Variants in PRTG observed in about 807,000 individuals in gnomAD.
PRTG encodes immunoglobulin superfamily, DCC subclass, member 5.
In PRTG, 67 loss-of-function variants were observed where a neutral mutation model predicts 122.5. The observed-to-expected ratio is 0.55, with a 90% CI of 0.45 to 0.67. PRTG has a LOEUF of 0.67. PRTG is among the 30% of genes least tolerant of loss of function. The probability of loss-of-function intolerance (pLI) is 0.00; values close to 1 mark genes in which losing one functional copy is unlikely to be tolerated. For missense variants in PRTG, 1,435 were observed against 1,415.4 expected (o/e 1.01, Z -0.22); for synonymous variants, 554 against 501.1 (o/e 1.11, Z -1.41).
intron 2 of PRTG, among the ~76,000 whole-genome samples, chr15:55,722,892 A>ATAGT (rs1474094086): frequency 6.6e-6 from 1 of 152,252 alleles, no homozygotes; most frequent in African/African-American, 2.4e-5. Context: ...CCATAGCAAC[A>ATAGT]TAGTTAACTG....
intron 11 of PRTG, among the ~76,000 whole-genome samples, chr15:55,641,849 C>T (rs145143553): frequency 5.3e-5 from 8 of 152,266 alleles, no homozygotes; most frequent in African/African-American, 1.7e-4. Context: ...TAAAGTCCAT[C>T]TAATACACCC....
At chr15:55,620,388 T>C in intron 19 of PRTG, 122 bp from the exon 20 acceptor site, 1 of 1,490,852 alleles carries the variant, frequency 6.7e-7, no homozygotes, top group Non-Finnish European at 8.9e-7. Flanking sequence ...AAGCGAAGTG[T>C]CAAAAGCTTC....
At chr15:55,625,126 C>T (rs146276677) in intron 17 of PRTG, among the ~76,000 whole-genome samples, 6 of 151,772 alleles carry the variant, frequency 4.0e-5, no homozygotes, top group East Asian at 3.9e-4. Flanking sequence ...GTGTATTTGA[C>T]GTTGATTTTT....
intron 13 of PRTG, 41 bp from the exon 14 acceptor site, chr15:55,638,717 A>G (rs770687496): frequency 6.4e-7 from 1 of 1,566,904 alleles, no homozygotes; most frequent in East Asian, 2.3e-5. Context: ...CTGGTAGTAT[A>G]ATATTGTTTG....
chr15:55,664,114 CTT>C (rs1369087027), intron 11 of PRTG, among the ~76,000 whole-genome samples: 1 of 151,802 alleles, frequency 6.6e-6, no homozygotes, highest in African/African-American at 2.4e-5. Flanking sequence ...GTTTTTTTGT[CTT>C]GTTTTGTTTT....
At chr15:55,654,405 CATTG>C (rs1351427912) in intron 11 of PRTG, among the ~76,000 whole-genome samples, 5 of 152,074 alleles carry the variant, frequency 3.3e-5, no homozygotes, top group Non-Finnish European at 7.4e-5. Context: ...ATGGAGTGAT[CATTG>C]ATTATAAGTA....
intron 2 of PRTG, among the ~76,000 whole-genome samples, chr15:55,689,699 G>A (rs978786142): frequency 1.4e-4 from 21 of 151,416 alleles, no homozygotes; most frequent in South Asian, 2.1e-4. Context: ...AGGCCAAGGC[G>A]GGTGGATCAC....
chr15:55,637,240 G>A lies in PRTG; in HGVS notation c.2553C>T (p.Thr851=), dbSNP rs1328353348. 1.6e-5 allele frequency: 26 copies of A among 1,613,900 alleles called. 1 individual carries two copies. Among genetic ancestry groups the A allele is most frequent in the Non-Finnish European group, 2.2e-5 (26 of 1,179,930 alleles). ...KPPDGPETVV[T]RYTILYASRK... is the part of the protein sequence containing the mutation. ...TAGATGCATATAAGATAGTATAGCG[G>A]GTCACAACTGTTTCTGGGCCATCAG... Residue 851 remains threonine, a synonymous_variant, in exon 15 of 20, where the codon ACC becomes ACT. Transcript: ENST00000389286.
rs550972676 is a variant in PRTG, at chr15:55,613,032, A to G, written c.*6980T>C. Reference sequence around the variant, plus strand: ...AATGAGTTTCAGATTATGATTATTTACACTTGAATTTTCTCTTAAGTTTTC... The same window carrying G: ...AATGAGTTTCAGATTATGATTATTTGCACTTGAATTTTCTCTTAAGTTTTC... On this transcript the variant is annotated 3_prime_UTR_variant, in exon 20 of 20. Transcript: ENST00000389286. The G allele has an allele frequency of 1.3e-5, 2 of 152,058 alleles. No individual in the cohort carries two copies. The highest frequency in any genetic ancestry group is 2.9e-5 in the Non-Finnish European group (2 of 67,948). The allele number at this position is 152,058 out of a possible 1,614,324, so 9.4% of individuals were successfully genotyped here.
chr15:55,683,088 A>G (rs144695356), intron 3 of PRTG, among the ~76,000 whole-genome samples: 15 of 152,152 alleles, frequency 9.9e-5, no homozygotes, highest in African/African-American at 3.6e-4. Flanking sequence ...GCATAGATTT[A>G]GTTAACTGGT....
At chr15:55,729,404 G>A (rs1169051969) in intron 2 of PRTG, among the ~76,000 whole-genome samples, 3 of 151,876 alleles carry the variant, frequency 2.0e-5, no homozygotes, top group Admixed American at 2.0e-4. Flanking sequence ...CTTTCTTTTT[G>A]GGGTGATGAA....
chr15:55,631,465 C>T (rs79553549), intron 15 of PRTG, among the ~76,000 whole-genome samples: 2,652 of 152,222 alleles, frequency 0.017, 90 homozygotes, highest in African/African-American at 0.061. Flanking sequence ...CCTTTTCCCC[C>T]AAAAAGTATC....
intron 11 of PRTG, among the ~76,000 whole-genome samples, chr15:55,667,619 T>G (rs1048307419): frequency 2.6e-5 from 4 of 152,188 alleles, no homozygotes; most frequent in African/African-American, 9.6e-5. Flanking sequence ...TAAAAATATT[T>G]AATAGTGAAG....
chr15:55,635,382 G>A (rs546133774), intron 15 of PRTG, among the ~76,000 whole-genome samples: 9 of 152,052 alleles, frequency 5.9e-5, no homozygotes, highest in Non-Finnish European at 8.8e-5. Context: ...GAGCCACTGC[G>A]CCCAGCCTCT....
Position 55,743,138 on chromosome 15 carries a change from G to A in PRTG, c.-207C>T. The A allele has an allele frequency of 2.4e-6, 3 of 1,250,032 alleles. No homozygotes were observed. The highest frequency in any genetic ancestry group is 3.2e-5 in the South Asian group (1 of 31,538). 77.4% of individuals were successfully genotyped at this position (1,250,032 alleles called of 1,614,324 possible). On this transcript the variant is annotated 5_prime_UTR_variant, in exon 1 of 20. Transcript: ENST00000389286. ...CGAGAAGCAAGGGGCCTGAGAGTCC[G>A]GCTGGGGGCGGAGTGAGGCGGCGGC...
chr15:55,674,108 G>A (rs1043043111), intron 9 of PRTG, among the ~76,000 whole-genome samples: 3 of 152,178 alleles, frequency 2.0e-5, no homozygotes, highest in African/African-American at 7.2e-5. Context: ...AAAAATTAAT[G>A]TGAATTTTGT....
intron 2 of PRTG, among the ~76,000 whole-genome samples, chr15:55,697,863 G>C (rs534269780): frequency 2.0e-5 from 3 of 152,180 alleles, no homozygotes; most frequent in African/African-American, 7.2e-5. Context: ...TATGGATAAC[G>C]TAAGGTAATG....
At chr15:55,693,411 G>C (rs986486323) in intron 2 of PRTG, among the ~76,000 whole-genome samples, 1 of 151,296 alleles carries the variant, frequency 6.6e-6, no homozygotes, top group African/African-American at 2.4e-5. Context: ...AGCTGAGATC[G>C]CACCATTGCT....
At chr15:55,696,810 C>T (rs1182960342) in intron 2 of PRTG, among the ~76,000 whole-genome samples, 3 of 152,150 alleles carry the variant, frequency 2.0e-5, no homozygotes, top group African/African-American at 7.2e-5. Context: ...AATCTGACAA[C>T]TCTGACAACC....
Sources: allele counts gnomAD v4.1 joint callset (sites outside exome capture counted in the v4.1 genomes callset), GRCh38; gene constraint gnomAD v4.1.1; transcripts MANE v1.5; gene names NCBI Gene and HGNC (gene_info 2026-07-23, HGNC 2026-07-21).